Variants in ROR1 observed in about 807,000 individuals in gnomAD.
ROR1 encodes inactive tyrosine-protein kinase transmembrane receptor ROR1.
In ROR1, 19 loss-of-function variants were observed where a neutral mutation model predicts 78.8. The ratio of observed to expected loss-of-function variants is 0.24; its 90% confidence interval spans 0.17 to 0.35. ROR1 has a LOEUF of 0.35. Ranked by LOEUF, ROR1 falls within the 10% of genes least tolerant of loss-of-function variation. The pLI, the probability that ROR1 is intolerant of heterozygous loss-of-function variation, is 1.00. For missense variants in ROR1, 917 were observed against 1,177.8 expected (o/e 0.78, Z 3.24); for synonymous variants, 386 against 433.6 (o/e 0.89, Z 1.36).
intron 4 of ROR1, among the ~76,000 whole-genome samples, chr1:64,104,923 T>G (rs376381517): frequency 6.6e-6 from 1 of 152,220 alleles, no homozygotes; most frequent in Non-Finnish European, 1.5e-5. Flanking sequence ...AATAAACATA[T>G]GTGTGCATGT....
At chr1:64,002,681 A>T (rs975207612) in intron 1 of ROR1, among the ~76,000 whole-genome samples, 3 of 152,172 alleles carry the variant, frequency 2.0e-5, no homozygotes, top group Admixed American at 6.5e-5. Flanking sequence ...AATAGATTTT[A>T]AAAAAGGAAC....
At chr1:63,908,417 C>T (rs1481207573) in intron 1 of ROR1, among the ~76,000 whole-genome samples, 3 of 152,056 alleles carry the variant, frequency 2.0e-5, no homozygotes, top group Admixed American at 6.6e-5. Flanking sequence ...CTTTGGTAAA[C>T]AGAAGTTTAT....
At chr1:64,132,079 C>T (rs1227857865) in intron 4 of ROR1, among the ~76,000 whole-genome samples, 1 of 152,130 alleles carries the variant, frequency 6.6e-6, no homozygotes, top group African/African-American at 2.4e-5. Flanking sequence ...TGTCCCCAGC[C>T]CCTAGCAACC....
chr1:63,820,769 C>T (rs957245578), intron 1 of ROR1, among the ~76,000 whole-genome samples: 1 of 152,166 alleles, frequency 6.6e-6, no homozygotes, highest in African/African-American at 2.4e-5. Flanking sequence ...AAGTCTTTTT[C>T]TCACATCATC....
At chr1:64,060,814 G>A (rs1408754986) in intron 4 of ROR1, among the ~76,000 whole-genome samples, 2 of 152,236 alleles carry the variant, frequency 1.3e-5, no homozygotes, top group African/African-American at 4.8e-5. Flanking sequence ...TTCTAATCTA[G>A]TGGGGGAGCG....
intron 1 of ROR1, among the ~76,000 whole-genome samples, chr1:63,815,484 C>CTTTTT (rs34749985): frequency 1.4e-4 from 12 of 85,280 alleles, no homozygotes; most frequent in Admixed American, 3.2e-4. Context: ...TTTTCTTTTT[C>CTTTTT]TTTTTTTTTT....
chr1:63,862,731 G>A (rs768482334), intron 1 of ROR1, among the ~76,000 whole-genome samples: 1 of 152,042 alleles, frequency 6.6e-6, no homozygotes, highest in Non-Finnish European at 1.5e-5. Context: ...AGTATAGGTG[G>A]TATTTGTTAA....
At chr1:63,892,393 T>G (rs1645404616) in intron 1 of ROR1, among the ~76,000 whole-genome samples, 1 of 152,148 alleles carries the variant, frequency 6.6e-6, no homozygotes, top group African/African-American at 2.4e-5. Context: ...TTAAGCACAT[T>G]AAGGAGACTT....
chr1:63,925,459 T>A (rs1248982210), intron 1 of ROR1, among the ~76,000 whole-genome samples: 1 of 152,122 alleles, frequency 6.6e-6, no homozygotes, highest in Non-Finnish European at 1.5e-5. Context: ...TCGTGAATAA[T>A]GCCGCAATAA....
chr1:64,116,703 T>G (rs1401755077), intron 4 of ROR1, among the ~76,000 whole-genome samples: 3 of 152,134 alleles, frequency 2.0e-5, no homozygotes, highest in African/African-American at 7.2e-5. Context: ...ACTCTTCCCT[T>G]TGGCACCAAT....
chr1:63,880,398 G>C (rs1308865862), intron 1 of ROR1, among the ~76,000 whole-genome samples: 4 of 152,122 alleles, frequency 2.6e-5, no homozygotes, highest in Non-Finnish European at 4.4e-5. Flanking sequence ...AGCTGATGGG[G>C]TAATAGTTTC....
intron 7 of ROR1, among the ~76,000 whole-genome samples, chr1:64,150,252 A>G (rs947469625): frequency 1.3e-5 from 2 of 152,246 alleles, no homozygotes; most frequent in Admixed American, 6.5e-5. Flanking sequence ...AGTATCCATG[A>G]TAAGAAAAGT....
At chr1:64,009,438 G>A (rs936651290) in intron 2 of ROR1, 62 bp downstream of exon 2, 3 of 1,267,056 alleles carry the variant, frequency 2.4e-6, no homozygotes, top group Admixed American at 3.4e-5. Context: ...TTTAATCCTG[G>A]CATGACCTTC....
chr1:64,022,367 C>G (rs1646571719), intron 2 of ROR1, among the ~76,000 whole-genome samples: 1 of 152,132 alleles, frequency 6.6e-6, no homozygotes, highest in Non-Finnish European at 1.5e-5. Context: ...AAATTGTTCA[C>G]TTTAAAACAG....
At chr1:63,789,617 G>A (rs967521416) in intron 1 of ROR1, among the ~76,000 whole-genome samples, 1 of 151,112 alleles carries the variant, frequency 6.6e-6, no homozygotes, top group Non-Finnish European at 1.5e-5. Flanking sequence ...GCACAACAGT[G>A]GATTGTGGTT....
intron 2 of ROR1, among the ~76,000 whole-genome samples, chr1:64,049,333 G>A (rs950405972): frequency 6.6e-6 from 1 of 152,122 alleles, no homozygotes; most frequent in Non-Finnish European, 1.5e-5. Context: ...TTATTTTTGG[G>A]TGGGGAGATT....
chr1:64,007,586 ATG>A (rs1646439348), intron 1 of ROR1, among the ~76,000 whole-genome samples: 1 of 152,156 alleles, frequency 6.6e-6, no homozygotes, highest in African/African-American at 2.4e-5. Flanking sequence ...ATAGTGTATT[ATG>A]TCCTTTAGAT....
At chr1:64,141,070 G>A (rs916457730) in intron 6 of ROR1, among the ~76,000 whole-genome samples, 4 of 152,094 alleles carry the variant, frequency 2.6e-5, no homozygotes, top group African/African-American at 9.7e-5. Context: ...ATAGATATGG[G>A]GTTTCCTCTT....
At chr1:63,796,139 A>AT (rs796112747) in intron 1 of ROR1, among the ~76,000 whole-genome samples, 4,379 of 148,454 alleles carry the variant, frequency 0.029, 222 homozygotes, top group African/African-American at 0.1. Context: ...GGACGATGGG[A>AT]TTTTTTTTTT....
Sources: allele counts gnomAD v4.1 joint callset (sites outside exome capture counted in the v4.1 genomes callset), GRCh38; gene constraint gnomAD v4.1.1; transcripts MANE v1.5; gene names NCBI Gene and HGNC (gene_info 2026-07-23, HGNC 2026-07-21).